Variants in DACH1 observed in about 807,000 individuals in gnomAD.
DACH1 encodes dachshund family transcription factor 1.
DACH1 carries 12 observed loss-of-function variants against 54.2 expected under a neutral mutation model. The ratio of observed to expected loss-of-function variants is 0.22; its 90% CI spans 0.14 to 0.36. The LOEUF (loss-of-function observed/expected upper bound fraction) is 0.36, where lower values mean the gene tolerates loss of function less well. Among genes scored for constraint, DACH1 ranks in the 10% least tolerant of loss-of-function variants. The pLI is 1.00. For synonymous variants in DACH1, 386 were observed against 366.2 expected (o/e 1.05, Z -0.62); for missense variants, 805 against 929.8 (o/e 0.87, Z 1.75).
At chr13:71,637,717 G>A (rs1178886119) in intron 2 of DACH1, among the ~76,000 whole-genome samples, 2 of 151,704 alleles carry the variant, frequency 1.3e-5, no homozygotes, top group South Asian at 2.1e-4. Flanking sequence ...TTATTAAAAC[G>A]GCCTTTAAAT....
chr13:71,643,386 G>A (rs1878044104), intron 2 of DACH1, among the ~76,000 whole-genome samples: 1 of 152,112 alleles, frequency 6.6e-6, no homozygotes, highest in Non-Finnish European at 1.5e-5. Context: ...TATCTTGGAG[G>A]TAAAGCCTTT....
chr13:71,670,950 A>G (rs1439170117), intron 2 of DACH1, among the ~76,000 whole-genome samples: 3 of 152,056 alleles, frequency 2.0e-5, no homozygotes. Flanking sequence ...AAAGATTCCT[A>G]TGAATTTTGG....
At chr13:71,504,385 A>G (rs1880150215) in intron 6 of DACH1, among the ~76,000 whole-genome samples, 1 of 152,118 alleles carries the variant, frequency 6.6e-6, no homozygotes, top group African/African-American at 2.4e-5. Context: ...TTTGTATTCT[A>G]TATGTGTAAT....
intron 3 of DACH1, among the ~76,000 whole-genome samples, chr13:71,589,047 A>AAATAT (rs1385100651): frequency 4.6e-5 from 7 of 152,154 alleles, no homozygotes; most frequent in Admixed American, 4.6e-4. Flanking sequence ...AAATAAAATA[A>AAATAT]AAAGGAAGGC....
chr13:71,841,179 C>G (rs1872813534), intron 1 of DACH1, among the ~76,000 whole-genome samples: 1 of 152,104 alleles, frequency 6.6e-6, no homozygotes, highest in Non-Finnish European at 1.5e-5. Context: ...CTAAACCTGC[C>G]TTTCATCTGA....
At chr13:71,816,646 GTATA>G (rs1287627511) in intron 1 of DACH1, among the ~76,000 whole-genome samples, 1 of 19,618 alleles carries the variant, frequency 5.1e-5, no homozygotes, top group African/African-American at 1.1e-4. Flanking sequence ...ACATATGTGT[GTATA>G]TATATACACG....
chr13:71,480,293 AG>A (rs1449751321), intron 7 of DACH1, among the ~76,000 whole-genome samples: 6 of 152,216 alleles, frequency 3.9e-5, no homozygotes, highest in African/African-American at 1.4e-4. Context: ...TAATAAACTC[AG>A]GATAACTTCT....
intron 1 of DACH1, among the ~76,000 whole-genome samples, chr13:71,684,004 C>T (rs1485614328): frequency 2.6e-5 from 4 of 152,122 alleles, no homozygotes; most frequent in East Asian, 1.9e-4. Context: ...GGAATCCAAC[C>T]GACTAAGCCA....
chr13:71,688,940 T>C (rs1448600373), intron 1 of DACH1, among the ~76,000 whole-genome samples: 1 of 152,244 alleles, frequency 6.6e-6, no homozygotes, highest in Non-Finnish European at 1.5e-5. Flanking sequence ...TTTTGTTTAC[T>C]GGGGCAAGTT....
At chr13:71,798,319 CATACATATAT>C (rs1407335217) in intron 1 of DACH1, among the ~76,000 whole-genome samples, 30 of 85,464 alleles carry the variant, frequency 3.5e-4, no homozygotes, top group African/African-American at 1.5e-3. Context: ...GAACTTGTTA[CATACATATAT>C]ATATATATAT....
At chr13:71,839,122 AT>A (rs983184736) in intron 1 of DACH1, among the ~76,000 whole-genome samples, 7 of 152,336 alleles carry the variant, frequency 4.6e-5, no homozygotes, top group African/African-American at 1.4e-4. Flanking sequence ...ATAATTCATA[AT>A]GGAAAAATAA....
chr13:71,803,547 T>C (rs983339706), intron 1 of DACH1, among the ~76,000 whole-genome samples: 1 of 152,174 alleles, frequency 6.6e-6, no homozygotes, highest in Non-Finnish European at 1.5e-5. Flanking sequence ...CTACTACATA[T>C]ATGAATAAAT....
At chr13:71,831,524 G>T (rs560522301) in intron 1 of DACH1, among the ~76,000 whole-genome samples, 47 of 151,812 alleles carry the variant, frequency 3.1e-4, no homozygotes, top group Non-Finnish European at 3.7e-4. Context: ...GTGATATATA[G>T]GGTGGGCTTT....
intron 10 of DACH1, among the ~76,000 whole-genome samples, chr13:71,442,074 T>G (rs1287597015): frequency 6.6e-6 from 1 of 152,086 alleles, no homozygotes; most frequent in East Asian, 1.9e-4. Context: ...TATTTTAAAA[T>G]GTACCAATTA....
intron 1 of DACH1, among the ~76,000 whole-genome samples, chr13:71,829,723 A>G: frequency 6.6e-6 from 1 of 151,924 alleles, no homozygotes; most frequent in Non-Finnish European, 1.5e-5. Context: ...CTTCCCGGAG[A>G]GCAGTATGGT....
chr13:71,731,485 G>A (rs1189942535), intron 1 of DACH1, among the ~76,000 whole-genome samples: 3 of 151,906 alleles, frequency 2.0e-5, no homozygotes, highest in Non-Finnish European at 4.4e-5. Flanking sequence ...GGGTTTCACC[G>A]TGTTAGCCAG....
intron 2 of DACH1, among the ~76,000 whole-genome samples, chr13:71,639,451 C>T (rs1214864987): frequency 6.6e-6 from 1 of 152,010 alleles, no homozygotes; most frequent in East Asian, 1.9e-4. Context: ...GAAACACTCC[C>T]TATACCAGTT....
chr13:71,651,624 G>T (rs1594047486), intron 2 of DACH1, among the ~76,000 whole-genome samples: 1 of 152,112 alleles, frequency 6.6e-6, no homozygotes, highest in East Asian at 1.9e-4. Context: ...TAGTGCCATG[G>T]CACTCTGGGA....
At chr13:71,481,419 A>C (rs954282464) in intron 7 of DACH1, among the ~76,000 whole-genome samples, 7 of 152,224 alleles carry the variant, frequency 4.6e-5, no homozygotes, top group African/African-American at 1.4e-4. Context: ...TAATTTGTGT[A>C]ATTTTATATT....
Sources: allele counts gnomAD v4.1 joint callset (sites outside exome capture counted in the v4.1 genomes callset), GRCh38; gene constraint gnomAD v4.1.1; transcripts MANE v1.5; gene names NCBI Gene and HGNC (gene_info 2026-07-23, HGNC 2026-07-21).